Variants in TLL1 observed in about 807,000 individuals in gnomAD.
TLL1 encodes the protein tolloid-like protein 1.
A neutral mutation model predicts 128.2 loss-of-function variants in TLL1; 49 were observed. That is an observed-to-expected ratio of 0.38 (90% CI 0.30 to 0.48). The LOEUF is 0.48. Among genes scored for constraint, TLL1 ranks in the 20% least tolerant of loss-of-function variants. The probability of loss-of-function intolerance (pLI) is 0.96; values close to 1 mark genes in which losing one functional copy is unlikely to be tolerated. For missense variants in TLL1, 1,123 were observed against 1,242.0 expected (o/e 0.90, Z 1.44); for synonymous variants, 454 against 418.8 (o/e 1.08, Z -1.03).
At chr4:165,894,331 A>G (rs1183116196) in intron 1 of TLL1, among the ~76,000 whole-genome samples, 5 of 152,174 alleles carry the variant, frequency 3.3e-5, no homozygotes. Flanking sequence ...AACACACTAC[A>G]GGGGAACATA....
intron 6 of TLL1, among the ~76,000 whole-genome samples, chr4:166,006,031 C>T (rs2111038239): frequency 6.6e-6 from 1 of 151,828 alleles, no homozygotes; most frequent in Middle Eastern, 3.4e-3. Context: ...TAAAAGTGCT[C>T]ATGTTGAAGA....
chr4:165,899,119 CT>C (rs895411913), intron 1 of TLL1, among the ~76,000 whole-genome samples: 2 of 146,366 alleles, frequency 1.4e-5, no homozygotes. Flanking sequence ...ATTCTTCTGT[CT>C]TTTGTCTGGC....
chr4:166,016,469 A>G (rs1579627531), intron 8 of TLL1, among the ~76,000 whole-genome samples: 1 of 152,202 alleles, frequency 6.6e-6, no homozygotes, highest in East Asian at 1.9e-4. Context: ...GTCAGGAAGA[A>G]TAAAAAACTA....
At chr4:166,042,863 C>A (rs931468995) in intron 11 of TLL1, among the ~76,000 whole-genome samples, 2 of 152,138 alleles carry the variant, frequency 1.3e-5, no homozygotes, top group Admixed American at 1.3e-4. Context: ...CACTAACTCG[C>A]TGCCAGAGAC....
chr4:165,941,391 G>A (rs118122325), intron 1 of TLL1, among the ~76,000 whole-genome samples: 2 of 152,106 alleles, frequency 1.3e-5, no homozygotes, highest in South Asian at 2.1e-4. Flanking sequence ...TTAAGTGGAA[G>A]AGAAGAAATC....
chr4:165,883,101 T>C (rs1731032521), intron 1 of TLL1, among the ~76,000 whole-genome samples: 1 of 152,104 alleles, frequency 6.6e-6, no homozygotes, highest in South Asian at 2.1e-4. Context: ...GCATATACAA[T>C]GGAACTCAGA....
At chr4:166,083,304 G>A (rs1262753959) in intron 18 of TLL1, among the ~76,000 whole-genome samples, 1 of 123,000 alleles carries the variant, frequency 8.1e-6, no homozygotes, top group African/African-American at 2.5e-5. Context: ...CATGTACAAT[G>A]TGATATATTG....
At chr4:165,880,617 GTTTTTAACACACCATACCA>G (rs916140493) in intron 1 of TLL1, among the ~76,000 whole-genome samples, 4 of 152,290 alleles carry the variant, frequency 2.6e-5, no homozygotes, top group African/African-American at 9.6e-5. Context: ...GACTTCAACA[GTTTTTAACACACCATACCA>G]TTTTACAAGT....
At chr4:166,095,411 A>C (rs566647509) in intron 19 of TLL1, among the ~76,000 whole-genome samples, 1 of 142,116 alleles carries the variant, frequency 7.0e-6, no homozygotes, top group South Asian at 2.2e-4. Context: ...ACAAATCTTT[A>C]GTAAAGAAAA....
At chr4:165,893,724 G>A (rs1434542849) in intron 1 of TLL1, among the ~76,000 whole-genome samples, 1 of 152,152 alleles carries the variant, frequency 6.6e-6, no homozygotes, top group Non-Finnish European at 1.5e-5. Context: ...TTCTCATGCA[G>A]TACACTTGTA....
chr4:165,903,284 G>T (rs1165580122), intron 1 of TLL1, among the ~76,000 whole-genome samples: 1 of 152,048 alleles, frequency 6.6e-6, no homozygotes, highest in Admixed American at 6.5e-5. Flanking sequence ...GTTGCAGTGA[G>T]CCGAGATCGT....
chr4:166,049,082 G>C (rs187550309), intron 12 of TLL1, among the ~76,000 whole-genome samples: 1 of 152,164 alleles, frequency 6.6e-6, no homozygotes, highest in Admixed American at 6.5e-5. Context: ...TGCTTGCCAT[G>C]TACTGTTTCT....
chr4:166,007,553 G>T (rs533597226), intron 6 of TLL1, among the ~76,000 whole-genome samples: 33 of 151,672 alleles, frequency 2.2e-4, no homozygotes, highest in Admixed American at 7.9e-4. Context: ...ATTTTTGTAT[G>T]ACCTGGAAAA....
At chr4:165,999,688 G>A (rs759041717) in intron 5 of TLL1, among the ~76,000 whole-genome samples, 1 of 150,492 alleles carries the variant, frequency 6.6e-6, no homozygotes, top group Non-Finnish European at 1.5e-5. Context: ...TGCCCAGGCT[G>A]GTCTCAAACT....
intron 1 of TLL1, among the ~76,000 whole-genome samples, chr4:165,987,390 G>A (rs1406315444): frequency 1.3e-5 from 2 of 152,042 alleles, no homozygotes; most frequent in Non-Finnish European, 2.9e-5. Context: ...CTGGCTTTAG[G>A]GATGCTGGAG....
In TLL1 at chr4:165,873,867, C is replaced by G. The variant is rs1370979279; in HGVS notation, c.-38C>G. ...AGCGCGGACCGCGGCTGCCTAACCT[C>G]TGGGTCCCGTCCCCTCCTTTTCCTC... is the stretch of plus-strand genomic sequence containing the variant. On this transcript the variant is annotated 5_prime_UTR_variant, in exon 1 of 21. Coordinates refer to ENST00000061240, the MANE Select transcript of TLL1 (RefSeq NM_012464.5). 6.2e-7 allele frequency: 1 copy of G among 1,612,206 alleles called. No individual in the cohort carries two copies. The highest frequency in any genetic ancestry group is 8.5e-7 in the Non-Finnish European group (1 of 1,179,768).
At chr4:165,904,379 T>C (rs547587829) in intron 1 of TLL1, among the ~76,000 whole-genome samples, 1 of 152,336 alleles carries the variant, frequency 6.6e-6, no homozygotes, top group Non-Finnish European at 1.5e-5. Flanking sequence ...TAGTTCAGTC[T>C]TGGCATTACA....
rs189713053 is a variant in TLL1, at chr4:166,074,831, T to C, written c.2189-47T>C. 4.5e-4 allele frequency: 721 copies of C among 1,609,068 alleles called. 6 individuals carry two copies. In the African/African-American group the frequency reaches 8.9e-3, roughly 20 times the overall value. ...CTAAATGACTCCCTTTGATATCCTCTGTTTTTAAAGTTACTTACTAGACTA... is the reference window on the plus strand; with the variant it reads ...CTAAATGACTCCCTTTGATATCCTCCGTTTTTAAAGTTACTTACTAGACTA... On this transcript the variant is annotated intron_variant, in intron 16 of 20. Coordinates refer to ENST00000061240, the MANE Select transcript of TLL1 (RefSeq NM_012464.5).
intron 1 of TLL1, among the ~76,000 whole-genome samples, chr4:165,979,315 G>T (rs547936711): frequency 3.9e-5 from 6 of 151,928 alleles, no homozygotes; most frequent in African/African-American, 1.2e-4. Flanking sequence ...TGTTATATTC[G>T]TATAAAAGAC....
Sources: gnomAD v4.1 joint callset for allele counts (sites outside exome capture counted in the v4.1 genomes callset) on GRCh38, gnomAD v4.1.1 for gene constraint, MANE v1.5 for transcripts, NCBI Gene and HGNC (gene_info 2026-07-23, HGNC 2026-07-21) for gene names.